PRDM5: variants seen among roughly 807,000 people sequenced by gnomAD.
PRDM5 encodes the protein PR/SET domain 5.
Under a neutral mutation model 81.2 loss-of-function variants are expected in PRDM5, and 56 were observed. The observed-to-expected ratio is 0.69, with a 90% CI of 0.56 to 0.86. The LOEUF is 0.86. PRDM5 is among the 40% of genes least tolerant of loss of function. PRDM5 has a pLI of 0.00. For synonymous variants in PRDM5, 267 were observed against 256.4 expected (o/e 1.04, Z -0.39); for missense variants, 697 against 770.1 (o/e 0.91, Z 1.12).
At chr4:120,820,079 T>C (rs985008646) in intron 4 of PRDM5, among the ~76,000 whole-genome samples, 1 of 152,256 alleles carries the variant, frequency 6.6e-6, no homozygotes, top group African/African-American at 2.4e-5. Context: ...ATGGTCTGAA[T>C]GTTCGTGAAT....
chr4:120,703,006 C>T (rs1390768491), intron 15 of PRDM5, among the ~76,000 whole-genome samples: 1 of 152,152 alleles, frequency 6.6e-6, no homozygotes, highest in Non-Finnish European at 1.5e-5. Context: ...TCTCTTTCCC[C>T]CATGCCCATT....
chr4:120,777,035 A>G (rs999612884), intron 13 of PRDM5, among the ~76,000 whole-genome samples, 153 bp downstream of exon 13: 1 of 152,172 alleles, frequency 6.6e-6, no homozygotes, highest in Non-Finnish European at 1.5e-5. Context: ...TTCTAGATGA[A>G]AAAACTGGGT....
At chr4:120,852,106 A>G (rs1423074193) in intron 3 of PRDM5, among the ~76,000 whole-genome samples, 1 of 152,178 alleles carries the variant, frequency 6.6e-6, no homozygotes, top group Admixed American at 6.6e-5. Flanking sequence ...TCTAAAAACT[A>G]TATCGTTTTC....
In PRDM5 at chr4:120,798,444, A is replaced by C; in HGVS notation, c.1031-20T>G. 6.7e-7 allele frequency: 1 copy of C among 1,489,850 alleles called. No homozygotes were observed. Among genetic ancestry groups the C allele is most frequent in the Non-Finnish European group, 9.3e-7 (1 of 1,077,436 alleles). 92.3% of individuals were successfully genotyped at this position (1,489,850 alleles called of 1,614,324 possible). A position where few individuals can be genotyped will look rare whatever the true frequency, so the allele number is the denominator to read the frequency against. On this transcript the variant is annotated intron_variant, in intron 9 of 15. Coordinates refer to ENST00000264808, the MANE Select transcript of PRDM5 (RefSeq NM_018699.4). ...GTTTTTCTATTAAAAAAATGAGTGG[A>C]GACAATCTCATATCTATATAAAGGT...
chr4:120,686,157 C>T (rs1388707563), intron 1 of PRDM5, among the ~76,000 whole-genome samples: 1 of 152,034 alleles, frequency 6.6e-6, no homozygotes, highest in Non-Finnish European at 1.5e-5. Context: ...CTGACAGATG[C>T]TAATACCATG....
chr4:120,736,005 C>G (rs906537142), intron 14 of PRDM5, among the ~76,000 whole-genome samples: 2 of 151,954 alleles, frequency 1.3e-5, no homozygotes, highest in Non-Finnish European at 2.9e-5. Context: ...CCTCTCACTC[C>G]TCACCCTCTG....
chr4:120,743,424 T>C (rs1426677101), intron 14 of PRDM5, among the ~76,000 whole-genome samples: 1 of 149,430 alleles, frequency 6.7e-6, no homozygotes, highest in Non-Finnish European at 1.5e-5. Flanking sequence ...AATTCACACA[T>C]AACACTATTA....
At chr4:120,891,562 A>G (rs1037519035) in intron 2 of PRDM5, among the ~76,000 whole-genome samples, 5 of 151,772 alleles carry the variant, frequency 3.3e-5, no homozygotes, top group African/African-American at 1.2e-4. Context: ...TATTTCTTGT[A>G]TTCTGCTAGC....
chr4:120,835,442 G>T (rs1242196375), intron 3 of PRDM5, among the ~76,000 whole-genome samples: 2 of 152,176 alleles, frequency 1.3e-5, no homozygotes, highest in Admixed American at 6.5e-5. Context: ...GATATGGTTT[G>T]GTTGTGTCCC....
chr4:120,770,427 A>G (rs567708869), intron 13 of PRDM5, among the ~76,000 whole-genome samples: 1 of 151,862 alleles, frequency 6.6e-6, no homozygotes, highest in East Asian at 1.9e-4. Flanking sequence ...AATATTTATT[A>G]ACATTTCACC....
Position 120,914,296 on chromosome 4 carries a change from C to G in PRDM5, c.94-6739G>C, listed in dbSNP as rs928418577. Among the ~76,000 whole-genome samples, 121 of 151,472 alleles carry G rather than the reference C, an allele frequency of 8.0e-4. 3 individuals are homozygous for G. Among genetic ancestry groups the G allele is most frequent in the African/African-American group, 2.9e-3 (118 of 41,322 alleles). On this transcript the variant is annotated intron_variant, in intron 1 of 15. Coordinates refer to ENST00000264808, the MANE Select transcript of PRDM5 (RefSeq NM_018699.4). ...ATAAGAATCAAATTCAAAAAAAAATCTCAAGTGAAAACTACGAACAGATAA... is the reference window on the plus strand; with the variant it reads ...ATAAGAATCAAATTCAAAAAAAAATGTCAAGTGAAAACTACGAACAGATAA...
At chr4:120,803,679 G>A (rs939842139) in intron 8 of PRDM5, among the ~76,000 whole-genome samples, 1 of 152,176 alleles carries the variant, frequency 6.6e-6, no homozygotes, top group African/African-American at 2.4e-5. Context: ...CACCAGGCCT[G>A]CCCTACAAGA....
At chr4:120,881,251 A>G (rs1412473019) in intron 2 of PRDM5, among the ~76,000 whole-genome samples, 1 of 152,216 alleles carries the variant, frequency 6.6e-6, no homozygotes, top group Non-Finnish European at 1.5e-5. Context: ...TTCTCAAGAA[A>G]ATCTTCAGAG....
downstream of PRDM5, among the ~76,000 whole-genome samples, chr4:120,684,586 A>G (rs1360739591): frequency 6.6e-6 from 1 of 151,922 alleles, no homozygotes; most frequent in Non-Finnish European, 1.5e-5. Context: ...GGCTCCCTTT[A>G]TCAATCACAT....
chr4:120,856,435 G>C (rs1258686260), intron 2 of PRDM5, among the ~76,000 whole-genome samples: 1 of 152,132 alleles, frequency 6.6e-6, no homozygotes, highest in Non-Finnish European at 1.5e-5. Context: ...AGTTCTTAGA[G>C]AGTCTTTGCT....
intron 14 of PRDM5, among the ~76,000 whole-genome samples, chr4:120,748,900 C>T (rs1743555645): frequency 6.6e-6 from 1 of 152,022 alleles, no homozygotes; most frequent in South Asian, 2.1e-4. Context: ...TCACATAGGG[C>T]CTCTAAATAG....
At chr4:120,865,638 C>T (rs554566686) in intron 2 of PRDM5, among the ~76,000 whole-genome samples, 6 of 152,290 alleles carry the variant, frequency 3.9e-5, no homozygotes, top group African/African-American at 1.4e-4. Flanking sequence ...TGACTGCTAG[C>T]CCAGATCTCT....
intron 14 of PRDM5, among the ~76,000 whole-genome samples, chr4:120,748,420 G>T (rs1183851138): frequency 6.6e-6 from 1 of 152,112 alleles, no homozygotes; most frequent in Non-Finnish European, 1.5e-5. Context: ...GAGACCAAAA[G>T]ATCACCTAAG....
chr4:120,786,710 A>G (rs910879136), intron 10 of PRDM5, among the ~76,000 whole-genome samples: 1 of 152,222 alleles, frequency 6.6e-6, no homozygotes, highest in Admixed American at 6.5e-5. Flanking sequence ...GGTAAACCAG[A>G]CATTGAAATG....
Sources: allele counts gnomAD v4.1 joint callset (sites outside exome capture counted in the v4.1 genomes callset), GRCh38; gene constraint gnomAD v4.1.1; transcripts MANE v1.5; gene names NCBI Gene and HGNC (gene_info 2026-07-23, HGNC 2026-07-21).